Variants in KIF6 observed in about 807,000 individuals in gnomAD.
KIF6 encodes kinesin family member 6.
Under a neutral mutation model 112.7 loss-of-function variants are expected in KIF6, and 106 were observed. That is an observed-to-expected ratio of 0.94 (90% CI 0.80 to 1.11). The LOEUF is 1.11. KIF6 is among the 50% of genes least tolerant of loss of function. The probability of loss-of-function intolerance (pLI) is 0.00; values close to 1 mark genes in which losing one functional copy is unlikely to be tolerated. For synonymous variants in KIF6, 339 were observed against 339.9 expected, an observed-to-expected ratio of 1.00 and a Z score of 0.03; for missense variants, 929 against 964.0, an observed-to-expected ratio of 0.96 and a Z score of 0.48.
At chr6:39,555,974 A>AG (rs1779689039) in intron 10 of KIF6, among the ~76,000 whole-genome samples, 1 of 150,744 alleles carries the variant, frequency 6.6e-6, no homozygotes, top group South Asian at 2.1e-4. Flanking sequence ...AAAAAAAAAA[A>AG]GAAGATTTAT....
At chr6:39,520,981 G>A (rs1777366613) in intron 13 of KIF6, among the ~76,000 whole-genome samples, 1 of 152,200 alleles carries the variant, frequency 6.6e-6, no homozygotes, top group Non-Finnish European at 1.5e-5. Flanking sequence ...ACAAACAAAG[G>A]CAGAGTTCAT....
At position 39,335,970 on chromosome 6, in the gene KIF6, G is replaced by GA. The variant is rs1219509616; in HGVS notation, c.*561dup. On this transcript the variant is annotated 3_prime_UTR_variant, in exon 23 of 23. Transcript: ENST00000287152. ...TCATCCTGGCCAAGAGGCTGATGGTGAAAGATGTGGTCTGGGAGATCAGGA... is the reference window on the plus strand; with the variant it reads ...TCATCCTGGCCAAGAGGCTGATGGTGAAAAGATGTGGTCTGGGAGATCAGGA... The GA allele has an allele frequency of 1.3e-5, 2 of 152,758 alleles. No individual in the cohort carries two copies. The highest frequency in any genetic ancestry group is 2.9e-5 in the Non-Finnish European group (2 of 68,602). 9.5% of individuals were successfully genotyped at this position (152,758 alleles called of 1,614,324 possible).
At position 39,725,283 on chromosome 6, in the gene KIF6, C is replaced by G; in HGVS notation, c.28G>C (p.Ala10Pro). 1 of 1,611,208 alleles carries G rather than the reference C, an allele frequency of 6.2e-7. No individual in the cohort carries two copies. Residue 10 changes from alanine (A) to proline (P), a missense_variant, in exon 1 of 23, where the codon GCG (alanine) becomes CCG (proline). By Grantham distance (27) the Ala-to-Pro change is conservative. This residue lies in a region of KIF6 where 688 missense variants were observed against 662.7 expected (regional missense o/e 1.04). Coordinates refer to ENST00000287152, the MANE Select transcript of KIF6 (RefSeq NM_145027.6). ...TTCCGGACAGGGGGCTTCACCCTCG[C>G]GAATATCTGGATAGTCTGCTTCACC... Reference protein sequence around the residue: MVKQTIQIFARVKPPVRKHQ... With the variant: MVKQTIQIFPRVKPPVRKHQ...
At chr6:39,466,227 C>T (rs2150431739) in intron 13 of KIF6, among the ~76,000 whole-genome samples, 1 of 152,274 alleles carries the variant, frequency 6.6e-6, no homozygotes, top group South Asian at 2.1e-4. Context: ...GCCAACTTTC[C>T]TCCCCCCTTC....
chr6:39,529,331 T>C (rs1582058712), intron 13 of KIF6, among the ~76,000 whole-genome samples: 1 of 152,132 alleles, frequency 6.6e-6, no homozygotes, highest in African/African-American at 2.4e-5. Context: ...ATAAAAAGCT[T>C]CTGCAGAACA....
rs150493310 is a variant in KIF6, at chr6:39,347,169, G to A, written c.2181-643C>T. On this transcript the variant is annotated intron_variant, in intron 19 of 22. Coordinates refer to ENST00000287152, the MANE Select transcript of KIF6 (RefSeq NM_145027.6). ...TTAGACAGATTAAAGAAATTCTAAA[G>A]TTATCCAGCTGGTAAGTGGCAGAAT... Among the ~76,000 whole-genome samples, 12 of 152,320 alleles carry A rather than the reference G, an allele frequency of 7.9e-5. No homozygotes were observed. In the East Asian group the frequency reaches 2.1e-3, roughly 27 times the overall value.
At chr6:39,693,048 T>C (rs1339505483) in intron 3 of KIF6, among the ~76,000 whole-genome samples, 1 of 152,170 alleles carries the variant, frequency 6.6e-6, no homozygotes, top group Non-Finnish European at 1.5e-5. Flanking sequence ...TCAGTAGTGG[T>C]CACACATGGA....
At chr6:39,557,002 A>T (rs1227146454) in intron 10 of KIF6, among the ~76,000 whole-genome samples, 1 of 152,128 alleles carries the variant, frequency 6.6e-6, no homozygotes, top group Non-Finnish European at 1.5e-5. Context: ...TTTAGCTGAA[A>T]TTTTTAAATA....
chr6:39,520,026 A>G (rs1221440183), intron 13 of KIF6, among the ~76,000 whole-genome samples: 2 of 152,148 alleles, frequency 1.3e-5, no homozygotes, highest in Non-Finnish European at 1.5e-5. Flanking sequence ...CATCTCGAAC[A>G]AACAAATAAA....
chr6:39,420,367 T>C (rs1326311730), intron 14 of KIF6, among the ~76,000 whole-genome samples: 1 of 152,222 alleles, frequency 6.6e-6, no homozygotes. Flanking sequence ...AATATATACT[T>C]ACATAACTTT....
intron 13 of KIF6, among the ~76,000 whole-genome samples, chr6:39,432,131 A>G (rs1471508374): frequency 2.6e-5 from 4 of 152,216 alleles, no homozygotes; most frequent in African/African-American, 9.7e-5. Context: ...CCCAGTGGAC[A>G]CTGCCACTTC....
intron 21 of KIF6, among the ~76,000 whole-genome samples, chr6:39,344,866 A>AG (rs1763586864): frequency 6.6e-6 from 1 of 150,500 alleles, no homozygotes; most frequent in African/African-American, 2.5e-5. Context: ...AACTAAAAAA[A>AG]CTACCTTTCC....
intron 13 of KIF6, among the ~76,000 whole-genome samples, chr6:39,506,328 G>A (rs1379554786): frequency 6.6e-6 from 1 of 152,094 alleles, no homozygotes; most frequent in African/African-American, 2.4e-5. Context: ...TGGATGCAGG[G>A]AGGGGAACAA....
At chr6:39,609,627 G>A (rs1393768411) in intron 6 of KIF6, among the ~76,000 whole-genome samples, 2 of 152,256 alleles carry the variant, frequency 1.3e-5, no homozygotes, top group Middle Eastern at 3.4e-3. Context: ...AATGGCCAAC[G>A]AAGATATAAA....
chr6:39,346,055 T>C (rs921007660), intron 20 of KIF6, among the ~76,000 whole-genome samples: 2 of 13,498 alleles, frequency 1.5e-4, no homozygotes, highest in Non-Finnish European at 2.6e-4. Flanking sequence ...CAGTGCTCTC[T>C]CTCTCTCTCT....
At chr6:39,482,993 CTGTCAGGT>C (rs1482396909) in intron 13 of KIF6, among the ~76,000 whole-genome samples, 1 of 152,162 alleles carries the variant, frequency 6.6e-6, no homozygotes, top group Non-Finnish European at 1.5e-5. Context: ...CTTCCCTTTC[CTGTCAGGT>C]TGTTTTGCTT....
chr6:39,445,701 G>T (rs536083781), intron 13 of KIF6, among the ~76,000 whole-genome samples: 1 of 152,218 alleles, frequency 6.6e-6, no homozygotes, highest in East Asian at 1.9e-4. Flanking sequence ...ATTTCTCAGG[G>T]AATGTTCCTC....
At chr6:39,670,261 TA>T (rs911260871) in intron 3 of KIF6, among the ~76,000 whole-genome samples, 1 of 152,218 alleles carries the variant, frequency 6.6e-6, no homozygotes, top group Non-Finnish European at 1.5e-5. Flanking sequence ...AGACTACAGA[TA>T]TTAAGGCAAG....
At chr6:39,351,776 T>G (rs1321832505) in intron 19 of KIF6, among the ~76,000 whole-genome samples, 1 of 152,210 alleles carries the variant, frequency 6.6e-6, no homozygotes, top group East Asian at 1.9e-4. Flanking sequence ...AGCCAGGGGT[T>G]CTGAGCCTCA....
Sources: gnomAD v4.1 joint callset for allele counts (sites outside exome capture counted in the v4.1 genomes callset) on GRCh38, gnomAD v4.1.1 for gene constraint, gnomAD v4.1.1 regional missense constraint, MANE v1.5 for transcripts, NCBI Gene and HGNC (gene_info 2026-07-23, HGNC 2026-07-21) for gene names.